CNTN5: variants seen among roughly 807,000 people sequenced by gnomAD.
CNTN5 encodes the protein contactin-5.
In CNTN5, 77 loss-of-function variants were observed where a neutral mutation model predicts 129.1. That is an observed-to-expected ratio of 0.60 (90% CI 0.50 to 0.72). The LOEUF is 0.72. Ranked by LOEUF, CNTN5 falls within the 30% of genes least tolerant of loss-of-function variation. CNTN5 has a pLI of 0.00. For missense variants in CNTN5, 1,478 were observed against 1,328.8 expected (o/e 1.11, Z -1.75); for synonymous variants, 509 against 465.6 (o/e 1.09, Z -1.20).
chr11:99,255,126 G>T (rs1862310416), intron 1 of CNTN5, among the ~76,000 whole-genome samples: 1 of 151,830 alleles, frequency 6.6e-6, no homozygotes, highest in African/African-American at 2.4e-5. Flanking sequence ...CATGTATAGG[G>T]TGAGTCACCT....
chr11:100,014,174 A>G (rs181971017), intron 9 of CNTN5, among the ~76,000 whole-genome samples: 51 of 152,152 alleles, frequency 3.4e-4, no homozygotes, highest in Non-Finnish European at 6.3e-4. Flanking sequence ...TATTTCAATA[A>G]CTTTGAAAAT....
intron 3 of CNTN5, among the ~76,000 whole-genome samples, chr11:99,639,966 C>A (rs1191744862): frequency 6.6e-6 from 1 of 152,140 alleles, no homozygotes; most frequent in Non-Finnish European, 1.5e-5. Context: ...AGGGCAGGGA[C>A]AAAATGCCGC....
At chr11:99,068,416 TG>T (rs1466106265) in intron 1 of CNTN5, among the ~76,000 whole-genome samples, 1 of 152,114 alleles carries the variant, frequency 6.6e-6, no homozygotes, top group Non-Finnish European at 1.5e-5. Flanking sequence ...GACTAAGATA[TG>T]GGTTCAATTC....
chr11:99,362,795 G>A (rs1463866140), intron 2 of CNTN5, among the ~76,000 whole-genome samples: 2 of 151,828 alleles, frequency 1.3e-5, no homozygotes, highest in Non-Finnish European at 2.9e-5. Context: ...TTCTCTGAAT[G>A]GTCTTGGCTA....
chr11:100,073,081 C>T (rs953177717), intron 12 of CNTN5, among the ~76,000 whole-genome samples: 1 of 146,256 alleles, frequency 6.8e-6, no homozygotes, highest in Non-Finnish European at 1.5e-5. Context: ...CAAAATCTCA[C>T]TGTCGCTCAG....
intron 8 of CNTN5, among the ~76,000 whole-genome samples, chr11:99,974,494 A>T (rs1937801928): frequency 6.6e-6 from 1 of 152,228 alleles, no homozygotes; most frequent in Admixed American, 6.5e-5. Context: ...GTGGTTAGAG[A>T]TGATCCTTAC....
intron 13 of CNTN5, among the ~76,000 whole-genome samples, chr11:100,075,509 A>G (rs1021421870): frequency 6.6e-5 from 10 of 152,206 alleles, no homozygotes; most frequent in Admixed American, 2.6e-4. Context: ...AGACTTAGAG[A>G]AAACTCTTTT....
intron 13 of CNTN5, among the ~76,000 whole-genome samples, chr11:100,145,046 G>A (rs1265143108): frequency 1.6e-5 from 2 of 126,926 alleles, no homozygotes; most frequent in Non-Finnish European, 3.8e-5. Flanking sequence ...TTTAAATTCT[G>A]TCTTTTTTAA....
At chr11:99,561,335 T>A (rs1948836394) in intron 3 of CNTN5, among the ~76,000 whole-genome samples, 1 of 152,094 alleles carries the variant, frequency 6.6e-6, no homozygotes, top group Non-Finnish European at 1.5e-5. Context: ...AAATATTGGG[T>A]TATAGTCCAA....
intron 17 of CNTN5, among the ~76,000 whole-genome samples, chr11:100,266,485 A>C (rs930939535): frequency 6.6e-6 from 1 of 152,108 alleles, no homozygotes; most frequent in Non-Finnish European, 1.5e-5. Context: ...TGCATTTCAA[A>C]TCAAAACCCT....
At chr11:99,351,298 C>T (rs745361699) in intron 2 of CNTN5, among the ~76,000 whole-genome samples, 11 of 152,138 alleles carry the variant, frequency 7.2e-5, no homozygotes, top group Non-Finnish European at 1.6e-4. Flanking sequence ...CTCCCAATAC[C>T]GTGAGGTGAG....
At chr11:100,146,652 A>G (rs995907275) in intron 13 of CNTN5, among the ~76,000 whole-genome samples, 1 of 152,148 alleles carries the variant, frequency 6.6e-6, no homozygotes, top group Non-Finnish European at 1.5e-5. Flanking sequence ...TACTATTCTC[A>G]GCGAGTAGAT....
At chr11:99,105,051 GT>G (rs1414406983) in intron 1 of CNTN5, among the ~76,000 whole-genome samples, 1 of 152,046 alleles carries the variant, frequency 6.6e-6, no homozygotes, top group Non-Finnish European at 1.5e-5. Context: ...ATTCTCATTA[GT>G]CTCCTCATCA....
At chr11:99,293,226 A>G (rs1419561555) in intron 1 of CNTN5, among the ~76,000 whole-genome samples, 1 of 152,156 alleles carries the variant, frequency 6.6e-6, no homozygotes, top group Non-Finnish European at 1.5e-5. Context: ...GATGTTTCAC[A>G]TTATCTCACA....
chr11:100,231,660 T>A (rs1336124430), intron 16 of CNTN5, among the ~76,000 whole-genome samples: 1 of 152,190 alleles, frequency 6.6e-6, no homozygotes, highest in African/African-American at 2.4e-5. Flanking sequence ...GCAATCATAG[T>A]CATTCATGAT....
chr11:100,170,795 C>T (rs536320323), intron 13 of CNTN5, among the ~76,000 whole-genome samples: 1 of 150,724 alleles, frequency 6.6e-6, no homozygotes, highest in African/African-American at 2.4e-5. Flanking sequence ...TTCAAGGCAA[C>T]TTCAGAGAAA....
At chr11:99,888,853 G>T (rs183963897) in intron 6 of CNTN5, among the ~76,000 whole-genome samples, 27 of 152,174 alleles carry the variant, frequency 1.8e-4, no homozygotes, top group African/African-American at 6.0e-4. Context: ...ACATTACTGC[G>T]TGACGCAGGG....
chr11:99,595,337 T>C (rs1950093636), intron 3 of CNTN5, among the ~76,000 whole-genome samples: 1 of 140,604 alleles, frequency 7.1e-6, no homozygotes, highest in South Asian at 2.5e-4. Context: ...TGTACAATTA[T>C]TATGTGTCAA....
At chr11:100,241,709 G>T (rs1029244188) in intron 16 of CNTN5, among the ~76,000 whole-genome samples, 1 of 152,134 alleles carries the variant, frequency 6.6e-6, no homozygotes, top group Non-Finnish European at 1.5e-5. Context: ...TGTGGGGAAA[G>T]GATGGTTTAA....
Sources: gnomAD v4.1 joint callset for allele counts (sites outside exome capture counted in the v4.1 genomes callset) on GRCh38, gnomAD v4.1.1 for gene constraint, MANE v1.5 for transcripts, NCBI Gene and HGNC (gene_info 2026-07-23, HGNC 2026-07-21) for gene names.